The following RPN1 variants were observed in gnomAD, a reference collection of about 807,000 sequenced individuals.
The protein encoded by RPN1 is dolichyl-diphosphooligosaccharide--protein glycosyltransferase subunit 1.
RPN1 carries 12 observed loss-of-function variants against 55.5 expected under a neutral mutation model. The ratio of observed to expected loss-of-function variants is 0.22; its 90% CI spans 0.14 to 0.35. RPN1 has a LOEUF of 0.35. Among genes scored for constraint, RPN1 ranks in the 10% least tolerant of loss-of-function variants. The probability of loss-of-function intolerance (pLI) is 1.00; values close to 1 mark genes in which losing one functional copy is unlikely to be tolerated. For synonymous variants in RPN1, 317 were observed against 305.9 expected, an observed-to-expected ratio of 1.04 and a Z score of -0.38; for missense variants, 679 against 761.3, an observed-to-expected ratio of 0.89 and a Z score of 1.27.
At chr3:128,632,260 G>T in intron 3 of RPN1, 103 bp from the exon 4 acceptor site, 1 of 1,012,438 alleles carries the variant, frequency 9.9e-7, no homozygotes, top group Non-Finnish European at 1.5e-6. Flanking sequence ...GCAACAGAAC[G>T]GGTAAATTAT....
At chr3:128,626,126 C>T in intron 6 of RPN1, 114 bp from the exon 7 acceptor site, 1 of 1,017,064 alleles carries the variant, frequency 9.8e-7, no homozygotes, top group African/African-American at 1.6e-5. Flanking sequence ...AATTCACACT[C>T]CTCCACTCTG....
chr3:128,644,775 A>G lies in RPN1; in HGVS notation c.326+144T>C, dbSNP rs191427404. ...GGAGTTCAAGACCAGCCTGGGCAAC[A>G]TAGCTAGACCTCCTCTCTACAAAAA... On this transcript the variant is annotated intron_variant, in intron 2 of 9. Coordinates refer to ENST00000296255, the MANE Select transcript of RPN1 (RefSeq NM_002950.4). 20 of 650,374 alleles carry G rather than the reference A, an allele frequency of 3.1e-5. No homozygotes were observed. The Admixed American group carries it at 4.0e-4, about 13-fold the overall frequency. 40.3% of individuals were successfully genotyped at this position (650,374 alleles called of 1,614,324 possible).
intron 8 of RPN1, 26 bp from the exon 9 acceptor site, chr3:128,622,435 T>A: frequency 6.2e-7 from 1 of 1,613,196 alleles, no homozygotes; most frequent in Non-Finnish European, 8.5e-7. Flanking sequence ...GCACCATGTG[T>A]GACAACATCC....
At chr3:128,637,470 C>A (rs2069689269) in intron 3 of RPN1, among the ~76,000 whole-genome samples, 1 of 152,124 alleles carries the variant, frequency 6.6e-6, no homozygotes, top group Admixed American at 6.6e-5. Flanking sequence ...CTCAACCACT[C>A]CAACAGCTTT....
chr3:128,644,317 A>C (rs1447142526), intron 2 of RPN1, among the ~76,000 whole-genome samples: 2 of 152,202 alleles, frequency 1.3e-5, no homozygotes, highest in Non-Finnish European at 1.5e-5. Context: ...TGAGTCCAGA[A>C]TATATTACAG....
intron 8 of RPN1, among the ~76,000 whole-genome samples, chr3:128,622,676 C>T (rs141144894): frequency 1.8e-4 from 27 of 151,974 alleles, no homozygotes; most frequent in African/African-American, 5.8e-4. Flanking sequence ...GGGCAGATCA[C>T]GAGGTCAGGA....
At chr3:128,649,151 G>A (rs2069793387) in intron 1 of RPN1, among the ~76,000 whole-genome samples, 1 of 152,188 alleles carries the variant, frequency 6.6e-6, no homozygotes, top group Non-Finnish European at 1.5e-5. Context: ...TGTGGTAATG[G>A]TTACACCAGT....
At chr3:128,642,251 T>C (rs940328368) in intron 2 of RPN1, 1 of 152,124 alleles carries the variant, frequency 6.6e-6, no homozygotes, top group Non-Finnish European at 1.5e-5. Context: ...ATACACTCAG[T>C]GGAAAATCAA....
At chr3:128,628,857 C>T (rs1340087501) in intron 5 of RPN1, among the ~76,000 whole-genome samples, 1 of 152,106 alleles carries the variant, frequency 6.6e-6, no homozygotes, top group African/African-American at 2.4e-5. Context: ...TGGCGGGTGC[C>T]TGTAGTCTCA....
chr3:128,632,208 C>G, intron 3 of RPN1, 51 bp from the exon 4 acceptor site: 1 of 1,554,962 alleles, frequency 6.4e-7, no homozygotes, highest in Non-Finnish European at 8.9e-7. Context: ...GAGAATGCAC[C>G]ATTAGTTTAA....
In RPN1 at chr3:128,644,902, A is replaced by G. The variant is rs372741527; in HGVS notation, c.326+17T>C. 4.3e-6 allele frequency: 6 copies of G among 1,383,166 alleles called. No homozygotes were observed. The highest frequency in any genetic ancestry group is 6.2e-6 in the Non-Finnish European group (6 of 969,458). The allele number at this position is 1,383,166 out of a possible 1,614,324, so 85.7% of individuals were successfully genotyped here. The stretch of plus-strand genomic sequence containing the variant: ...TAACCTTTAACAAGAGACAAGGTAT[A>G]TTGTTTGTCAGCTTACCTTTTACCC... On this transcript the variant is annotated intron_variant, in intron 2 of 9. Transcript: ENST00000296255.
At chr3:128,629,725 CAAGT>C (rs1379696967) in intron 5 of RPN1, among the ~76,000 whole-genome samples, 1 of 152,108 alleles carries the variant, frequency 6.6e-6, no homozygotes, top group African/African-American at 2.4e-5. Flanking sequence ...GACAGAACTG[CAAGT>C]AAGAAGAAGA....
chr3:128,631,924 AT>A (rs766966396), intron 4 of RPN1, 23 bp downstream of exon 4: 1 of 1,611,984 alleles, frequency 6.2e-7, no homozygotes, highest in South Asian at 1.1e-5. Flanking sequence ...ATTTCTCACA[AT>A]GTCCAAGTTG....
At chr3:128,633,351 T>A (rs1324027116) in intron 3 of RPN1, among the ~76,000 whole-genome samples, 3 of 151,718 alleles carry the variant, frequency 2.0e-5, no homozygotes, top group African/African-American at 4.8e-5. Context: ...TCAAGCCCCA[T>A]GAGTGGCTGG....
chr3:128,623,512 T>C (rs2069575393), intron 8 of RPN1, among the ~76,000 whole-genome samples: 1 of 151,812 alleles, frequency 6.6e-6, no homozygotes, highest in Non-Finnish European at 1.5e-5. Flanking sequence ...CACTCCAGCC[T>C]GGGTAACAGA....
Position 128,644,979 on chromosome 3 carries a change from T to C in RPN1, c.266A>G (p.Lys89Arg), listed in dbSNP as rs1377173099. ...ATTGTTCTCTTCCTCATCTTCTCCC[T>C]TTACCTACAACAGAAAAAGATAGTT... The part of the protein sequence containing the change: ...ARLAHLGVQV[K>R]GEDEEENNLE... The change falls in exon 2 of 10, where the codon AAG becomes AGG. Residue 89 changes from lysine (K) to arginine (R), a missense_variant. By Grantham distance (26) the Lys-to-Arg change is conservative. Transcript: ENST00000296255. 13 of 1,555,986 alleles carry C rather than the reference T, an allele frequency of 8.4e-6. No homozygotes were observed. The highest frequency in any genetic ancestry group is 1.1e-5 in the South Asian group (1 of 89,734).
At chr3:128,639,174 C>T (rs986888606) in intron 2 of RPN1, among the ~76,000 whole-genome samples, 6 of 151,712 alleles carry the variant, frequency 4.0e-5, no homozygotes, top group African/African-American at 9.7e-5. Flanking sequence ...TACATAGACC[C>T]GGGGAGGGTG....
intron 3 of RPN1, among the ~76,000 whole-genome samples, chr3:128,634,601 C>T (rs945838680): frequency 1.3e-4 from 19 of 145,592 alleles, no homozygotes; most frequent in Non-Finnish European, 1.6e-4. Flanking sequence ...CTCACCCTGT[C>T]GCCCAGATTG....
At chr3:128,646,946 CTGGG>C (rs1170027361) in intron 1 of RPN1, among the ~76,000 whole-genome samples, 1 of 151,294 alleles carries the variant, frequency 6.6e-6, no homozygotes, top group African/African-American at 2.4e-5. Context: ...GCACTCCAGC[CTGGG>C]CAACAGAGTG....
Sources: gnomAD v4.1 joint callset for allele counts (sites outside exome capture counted in the v4.1 genomes callset) on GRCh38, gnomAD v4.1.1 for gene constraint, MANE v1.5 for transcripts, NCBI Gene and HGNC (gene_info 2026-07-23, HGNC 2026-07-21) for gene names.